NLGN4X: variants seen among roughly 807,000 people sequenced by gnomAD.
The protein encoded by NLGN4X is neuroligin 4 X-linked, also known as neuroligin-4, X-linked.
In NLGN4X, 3 loss-of-function variants were observed where a neutral mutation model predicts 40.3. The observed-to-expected ratio is 0.07, with a 90% CI of 0.03 to 0.19. The LOEUF is 0.19. NLGN4X is among the 10% of genes least tolerant of loss of function. The pLI, the probability that NLGN4X is intolerant of heterozygous loss-of-function variation, is 1.00. For missense variants in NLGN4X, 382 were observed against 708.3 expected (o/e 0.54, Z 5.23); for synonymous variants, 270 against 306.8 (o/e 0.88, Z 1.25).
At chrX:6,221,392 TA>T (rs1363551678) in intron 1 of NLGN4X, among the ~76,000 whole-genome samples, 75 of 5,428 alleles carry the variant, frequency 0.014, 2 homozygotes, top group African/African-American at 0.092. Context: ...CTTCTTATAT[TA>T]TATATATATA....
At chrX:6,008,289 G>A (rs1224613000) in intron 3 of NLGN4X, among the ~76,000 whole-genome samples, 1 of 111,680 alleles carries the variant, frequency 9.0e-6, no homozygotes, top group East Asian at 2.8e-4. Flanking sequence ...TCTACTTTCT[G>A]TCTCTATGAA....
Position 6,143,920 on chromosome X carries a change from C to T in NLGN4X, c.472+7075G>A, listed in dbSNP as rs933474924. 1.5e-4 allele frequency among the ~76,000 whole-genome samples: 17 copies of T among 111,973 alleles called. 1 individual carries two copies. The highest frequency in any genetic ancestry group is 1.5e-3 in the Admixed American group (16 of 10,567). The stretch of plus-strand genomic sequence containing the variant: ...GTTTCTTTTTTAAAAAATCTGCCAC[C>T]ATTTTCTAATTTGCAGACACCTGGA... On this transcript the variant is annotated intron_variant, in intron 2 of 5. Transcript: ENST00000381095.
rs764240312 is a variant in NLGN4X, at chrX:6,014,205, G to C, written c.625+15075C>G. On this transcript the variant is annotated intron_variant, in intron 3 of 5. Coordinates refer to ENST00000381095, the MANE Select transcript of NLGN4X (RefSeq NM_181332.3). ...CAGAGAGAGAAAAAAAAAAAAAAGTGAGGATCTTAAGATGAGAACTTAACC... is the reference window on the plus strand; with the variant it reads ...CAGAGAGAGAAAAAAAAAAAAAAGTCAGGATCTTAAGATGAGAACTTAACC... Among the ~76,000 whole-genome samples the C allele has an allele frequency of 1.1e-4, 12 of 110,465 alleles. No individual in the cohort carries two copies. In the South Asian group the frequency reaches 1.2e-3, roughly 11 times the overall value.
At position 5,900,560 on chromosome X, in the gene NLGN4X, C is replaced by CTTTTTTTTTTTTTTTTTTTTT. The variant is rs1163973694; in HGVS notation, c.1601+2496_1601+2516dup. Among the ~76,000 whole-genome samples the CTTTTTTTTTTTTTTTTTTTTT allele has an allele frequency of 8.8e-5, 4 of 45,596 alleles. 1 individual carries two copies. Among genetic ancestry groups the CTTTTTTTTTTTTTTTTTTTTT allele is most frequent in the African/African-American group, 1.7e-4 (2 of 11,772 alleles). 39.6% of individuals were successfully genotyped at this position (45,596 alleles called of 115,157 possible). A position where few individuals can be genotyped will look rare whatever the true frequency, so the allele number is the denominator to read the frequency against. The stretch of plus-strand genomic sequence containing the variant: ...GTTATAAGACACACCGTTTTTGGTG[C>CTTTTTTTTTTTTTTTTTTTTT]TTTTTTTTTTTTTTTTTTTTTTTTT... On this transcript the variant is annotated intron_variant, in intron 5 of 5. Coordinates refer to ENST00000381095, the MANE Select transcript of NLGN4X (RefSeq NM_181332.3).
chrX:5,950,777 T>C, intron 3 of NLGN4X, among the ~76,000 whole-genome samples: 1 of 111,909 alleles, frequency 8.9e-6, no homozygotes, highest in African/African-American at 3.2e-5. Context: ...TTGAAACTCC[T>C]TGCCTCACTG....
At chrX:6,172,203 A>G (rs1231176149) in intron 1 of NLGN4X, among the ~76,000 whole-genome samples, 4 of 111,902 alleles carry the variant, frequency 3.6e-5, no homozygotes, top group Non-Finnish European at 7.5e-5. Context: ...TCTTCCCTAT[A>G]TATTTGTTCT....
At chrX:6,091,924 T>C (rs1365911400) in intron 2 of NLGN4X, among the ~76,000 whole-genome samples, 1 of 109,870 alleles carries the variant, frequency 9.1e-6, no homozygotes, top group Non-Finnish European at 1.9e-5. Context: ...TTTTCACTCC[T>C]TCCCTCTCTC....
At chrX:6,048,513 G>A (rs779282367) in intron 2 of NLGN4X, among the ~76,000 whole-genome samples, 184 of 111,646 alleles carry the variant, frequency 1.6e-3, no homozygotes, top group African/African-American at 5.7e-3. Context: ...TCTGACTTGC[G>A]TGAGATGGTT....
chrX:6,014,232 G>A (rs962727735), intron 3 of NLGN4X, among the ~76,000 whole-genome samples: 1 of 110,718 alleles, frequency 9.0e-6, no homozygotes, highest in Non-Finnish European at 1.9e-5. Flanking sequence ...AACTTAACCC[G>A]GTTCATCTGG....
intron 3 of NLGN4X, among the ~76,000 whole-genome samples, chrX:6,003,502 A>C (rs766119111): frequency 2.3e-4 from 26 of 111,970 alleles, no homozygotes; most frequent in African/African-American, 8.4e-4. Context: ...AGGAATCTAT[A>C]AACTCATTCC....
intron 2 of NLGN4X, among the ~76,000 whole-genome samples, chrX:6,144,714 A>G (rs2040013254): frequency 9.0e-6 from 1 of 111,526 alleles, no homozygotes; most frequent in Admixed American, 9.5e-5. Context: ...CTGCATCCAC[A>G]GTGGAGGGTC....
intron 2 of NLGN4X, among the ~76,000 whole-genome samples, chrX:6,044,106 A>AAAATAAATAAATAAATAAAT (rs36167131): frequency 0.19 from 18,534 of 96,263 alleles, 1,661 homozygotes; most frequent in East Asian, 0.33. Context: ...GTTTCTATTA[A>AAAATAAATAAATAAATAAAT]AAATAAATAA....
chrX:5,900,114 T>C (rs2031759502), intron 5 of NLGN4X, among the ~76,000 whole-genome samples: 1 of 112,525 alleles, frequency 8.9e-6, no homozygotes, highest in Non-Finnish European at 1.9e-5. Context: ...CTGGCCCTGA[T>C]TTCACAGGGT....
At chrX:6,174,508 A>G (rs1469100822) in intron 1 of NLGN4X, among the ~76,000 whole-genome samples, 1 of 112,228 alleles carries the variant, frequency 8.9e-6, no homozygotes, top group Non-Finnish European at 1.9e-5. Context: ...ACTATTCACA[A>G]TAGCAAAGAC....
At chrX:6,219,143 ATATG>A (rs1350423093) in intron 1 of NLGN4X, among the ~76,000 whole-genome samples, 2 of 90,351 alleles carry the variant, frequency 2.2e-5, no homozygotes, top group African/African-American at 3.7e-5. Flanking sequence ...ATACGTATAT[ATATG>A]TATGTGTGTG....
intron 3 of NLGN4X, among the ~76,000 whole-genome samples, chrX:5,977,828 C>G (rs185366847): frequency 4.5e-5 from 5 of 111,898 alleles, no homozygotes; most frequent in Non-Finnish European, 9.4e-5. Context: ...CAGTCTTTTC[C>G]ATGACATTCA....
intron 2 of NLGN4X, among the ~76,000 whole-genome samples, chrX:6,147,047 C>T (rs7051247): frequency 0.32 from 35,724 of 110,949 alleles, 4,464 homozygotes; most frequent in African/African-American, 0.43. Flanking sequence ...CCACCATGAC[C>T]TCCCAAAGTG....
chrX:6,048,299 T>C (rs1167143548), intron 2 of NLGN4X, among the ~76,000 whole-genome samples: 2 of 111,358 alleles, frequency 1.8e-5, no homozygotes, highest in Non-Finnish European at 3.8e-5. Context: ...AGAAAGTCCA[T>C]CTAACTTAGG....
At chrX:6,077,690 G>A (rs1013781111) in intron 2 of NLGN4X, among the ~76,000 whole-genome samples, 7 of 111,281 alleles carry the variant, frequency 6.3e-5, no homozygotes, top group African/African-American at 2.3e-4. Flanking sequence ...GTTACTTTCT[G>A]TATTTTTAAT....
Sources: allele counts gnomAD v4.1 joint callset (sites outside exome capture counted in the v4.1 genomes callset), GRCh38; gene constraint gnomAD v4.1.1; transcripts MANE v1.5; gene names NCBI Gene and HGNC (gene_info 2026-07-23, HGNC 2026-07-21).